Variants in EPHA5 observed in about 807,000 individuals in gnomAD.
EPHA5 encodes ephrin type-A receptor 5.
In EPHA5, 60 loss-of-function variants were observed where a neutral mutation model predicts 105.0. The observed-to-expected ratio is 0.57, with a 90% CI of 0.46 to 0.71. The LOEUF (loss-of-function observed/expected upper bound fraction) is 0.71, where lower values mean the gene tolerates loss of function less well. Ranked by LOEUF, EPHA5 falls within the 30% of genes least tolerant of loss-of-function variation. The pLI, the probability that EPHA5 is intolerant of heterozygous loss-of-function variation, is 0.00. For missense variants in EPHA5, 1,218 were observed against 1,274.7 expected, an observed-to-expected ratio of 0.96 and a Z score of 0.68; for synonymous variants, 513 against 449.1, an observed-to-expected ratio of 1.14 and a Z score of -1.80.
intron 3 of EPHA5, among the ~76,000 whole-genome samples, chr4:65,574,665 T>TACATATATATATAC (rs1560717577): frequency 2.9e-4 from 12 of 41,450 alleles, no homozygotes; most frequent in South Asian, 1.8e-3. Context: ...CATATATATA[T>TACATATATATATAC]ACACATATAT....
In EPHA5 at chr4:65,558,294, C is replaced by T. The variant is rs946350057; in HGVS notation, c.910+43347G>A. 5.3e-5 allele frequency among the ~76,000 whole-genome samples: 8 copies of T among 152,220 alleles called. No homozygotes were observed. The South Asian group carries it at 1.7e-3, about 32-fold the overall frequency. Reference sequence around the variant, plus strand: ...TGGTAATGGTAACAGATCACACTTGCATCAAGTTACATTTAATGTATAAAT... The same window carrying T: ...TGGTAATGGTAACAGATCACACTTGTATCAAGTTACATTTAATGTATAAAT... On this transcript the variant is annotated intron_variant, in intron 3 of 16. Coordinates refer to ENST00000613740, the MANE Select transcript of EPHA5 (RefSeq NM_001281766.3).
chr4:65,536,206 T>A (rs1177646960), intron 3 of EPHA5, among the ~76,000 whole-genome samples: 3 of 151,950 alleles, frequency 2.0e-5, no homozygotes, highest in Non-Finnish European at 2.9e-5. Flanking sequence ...CACAGTGCTT[T>A]GAGCAGACAA....
intron 3 of EPHA5, among the ~76,000 whole-genome samples, chr4:65,565,285 T>C (rs907850968): frequency 5.9e-5 from 9 of 151,854 alleles, no homozygotes; most frequent in Admixed American, 5.3e-4. Context: ...TATTATGCAA[T>C]CTTTTCAAAA....
At chr4:65,520,481 T>C (rs1473413438) in intron 3 of EPHA5, among the ~76,000 whole-genome samples, 1 of 152,012 alleles carries the variant, frequency 6.6e-6, no homozygotes, top group Non-Finnish European at 1.5e-5. Context: ...GGACTTCATG[T>C]CTAAAACACC....
intron 5 of EPHA5, among the ~76,000 whole-genome samples, chr4:65,441,266 T>TA (rs1013049465): frequency 6.6e-6 from 1 of 151,302 alleles, no homozygotes; most frequent in African/African-American, 2.4e-5. Flanking sequence ...CATGAAAAAA[T>TA]AAAAAAAGTT....
chr4:65,394,736 T>C (rs1721050445), intron 8 of EPHA5, among the ~76,000 whole-genome samples: 1 of 152,128 alleles, frequency 6.6e-6, no homozygotes, highest in Non-Finnish European at 1.5e-5. Flanking sequence ...CAGCTATAAA[T>C]TAGATAAGAT....
intron 3 of EPHA5, among the ~76,000 whole-genome samples, chr4:65,543,797 G>A (rs751974974): frequency 2.4e-4 from 36 of 152,052 alleles, no homozygotes; most frequent in Non-Finnish European, 3.7e-4. Flanking sequence ...CAAAGCCAGC[G>A]ATATCACACT....
intron 3 of EPHA5, among the ~76,000 whole-genome samples, chr4:65,531,645 A>G (rs1330689542): frequency 6.6e-6 from 1 of 151,802 alleles, no homozygotes; most frequent in Non-Finnish European, 1.5e-5. Flanking sequence ...TTGCAGAATG[A>G]CAATGATCCA....
chr4:65,636,773 G>A (rs1196978481), intron 2 of EPHA5, among the ~76,000 whole-genome samples: 1 of 151,828 alleles, frequency 6.6e-6, no homozygotes, highest in Non-Finnish European at 1.5e-5. Flanking sequence ...TAAAAAGAAA[G>A]AACAATACAA....
intron 2 of EPHA5, among the ~76,000 whole-genome samples, chr4:65,605,509 G>A (rs958811294): frequency 6.6e-6 from 1 of 152,088 alleles, no homozygotes; most frequent in African/African-American, 2.4e-5. Flanking sequence ...ACATGGGCTG[G>A]ACCAGAAATC....
chr4:65,388,312 T>G (rs1471689226), intron 8 of EPHA5, among the ~76,000 whole-genome samples: 1 of 151,936 alleles, frequency 6.6e-6, no homozygotes, highest in African/African-American at 2.4e-5. Context: ...GCATGTTTTA[T>G]AATCCTTTGG....
chr4:65,523,283 C>T (rs11731307), intron 3 of EPHA5, among the ~76,000 whole-genome samples: 46,849 of 151,612 alleles, frequency 0.31, 7,985 homozygotes, highest in Middle Eastern at 0.44. Flanking sequence ...TCCTTTGCTC[C>T]GTGCTTCTTT....
At chr4:65,339,805 T>C (rs557337077) in intron 14 of EPHA5, among the ~76,000 whole-genome samples, 7 of 152,184 alleles carry the variant, frequency 4.6e-5, no homozygotes, top group Non-Finnish European at 8.8e-5. Flanking sequence ...CACACTCACT[T>C]GGACTGGGAC....
At chr4:65,380,503 G>T (rs547497767) in intron 8 of EPHA5, among the ~76,000 whole-genome samples, 204 of 151,770 alleles carry the variant, frequency 1.3e-3, no homozygotes, top group African/African-American at 4.7e-3. Flanking sequence ...TGCCAGAACA[G>T]AGAAGCAAGA....
At chr4:65,362,787 G>A (rs144880657) in intron 11 of EPHA5, among the ~76,000 whole-genome samples, 1 of 151,666 alleles carries the variant, frequency 6.6e-6, no homozygotes. Flanking sequence ...AACAAGTTTT[G>A]TAATAAAGGT....
intron 1 of EPHA5, among the ~76,000 whole-genome samples, chr4:65,643,719 A>T (rs1747870675): frequency 6.6e-6 from 1 of 151,988 alleles, no homozygotes; most frequent in African/African-American, 2.4e-5. Flanking sequence ...AATAAGGAAA[A>T]AAAAAGACAA....
chr4:65,378,500 C>T (rs1180610912), intron 8 of EPHA5, among the ~76,000 whole-genome samples: 1 of 151,924 alleles, frequency 6.6e-6, no homozygotes, highest in East Asian at 1.9e-4. Flanking sequence ...ACCACTTCTG[C>T]CTCGTTGCAG....
chr4:65,352,789 T>TA, intron 12 of EPHA5, among the ~76,000 whole-genome samples: 1 of 145,868 alleles, frequency 6.9e-6, no homozygotes, highest in Non-Finnish European at 1.5e-5. Context: ...TTCTCTGCAT[T>TA]TTTTTTTTCA....
rs528698816 is a variant in EPHA5, at chr4:65,667,589, G to A, written c.181+1973C>T. Among the ~76,000 whole-genome samples the A allele has an allele frequency of 1.1e-3, 160 of 152,150 alleles. 1 individual carries two copies. Among genetic ancestry groups the A allele is most frequent in the Non-Finnish European group, 1.9e-3 (130 of 67,998 alleles). ...AAATCTGTAACAACAGCCAGGCTGT[G>A]TTCCACAAGATTCCAGCTCTGCCTT... On this transcript the variant is annotated intron_variant, in intron 1 of 16. Transcript: ENST00000613740.
Sources: gnomAD v4.1 joint callset for allele counts (sites outside exome capture counted in the v4.1 genomes callset) on GRCh38, gnomAD v4.1.1 for gene constraint, MANE v1.5 for transcripts, NCBI Gene and HGNC (gene_info 2026-07-23, HGNC 2026-07-21) for gene names.